The following CDH26 variants were observed in gnomAD, a reference collection of about 807,000 sequenced individuals.
CDH26 encodes cadherin-like protein 26.
A neutral mutation model predicts 90.3 loss-of-function variants in CDH26; 83 were observed. That is an observed-to-expected ratio of 0.92 (90% confidence interval 0.77 to 1.10). The LOEUF (loss-of-function observed/expected upper bound fraction) is 1.10, where lower values mean the gene tolerates loss of function less well. Ranked by LOEUF, CDH26 falls within the 50% of genes least tolerant of loss-of-function variation. The pLI, the probability that CDH26 is intolerant of heterozygous loss-of-function variation, is 0.00. For missense variants in CDH26, 1,013 were observed against 1,037.6 expected, an observed-to-expected ratio of 0.98 and a Z score of 0.33; for synonymous variants, 397 against 396.3, an observed-to-expected ratio of 1.00 and a Z score of -0.02.
At chr20:59,996,922 A>G (rs1241043731) in intron 13 of CDH26, among the ~76,000 whole-genome samples, 161 bp downstream of exon 13, 1 of 152,250 alleles carries the variant, frequency 6.6e-6, no homozygotes, top group Admixed American at 6.5e-5. Context: ...TATCTAACTC[A>G]GATAAATGAA....
intron 17 of CDH26, among the ~76,000 whole-genome samples, chr20:60,007,758 C>T (rs1569059036): frequency 1.3e-5 from 2 of 151,886 alleles, no homozygotes; most frequent in Admixed American, 1.3e-4. Flanking sequence ...TTCATCCCAT[C>T]TGGACCAGAT....
intron 14 of CDH26, among the ~76,000 whole-genome samples, chr20:60,000,769 G>C (rs2061666120): frequency 6.6e-6 from 1 of 152,098 alleles, no homozygotes; most frequent in Non-Finnish European, 1.5e-5. Flanking sequence ...TACATCTCTG[G>C]TGACTGCTTA....
intron 1 of CDH26, among the ~76,000 whole-genome samples, chr20:59,964,008 T>C (rs1162002968): frequency 6.6e-6 from 1 of 152,190 alleles, no homozygotes; most frequent in African/African-American, 2.4e-5. Context: ...AAGACTCCTT[T>C]CCTATGGCTA....
chr20:60,022,833 G>T (rs760445040), intron 7 of CDH26, among the ~76,000 whole-genome samples: 1 of 151,746 alleles, frequency 6.6e-6, no homozygotes, highest in East Asian at 1.9e-4. Context: ...CCCAACACAA[G>T]CATTCTACTG....
chr20:60,019,525 C>T (rs925788376), downstream of CDH26, among the ~76,000 whole-genome samples: 1 of 152,140 alleles, frequency 6.6e-6, no homozygotes, highest in African/African-American at 2.4e-5. Flanking sequence ...TGAATTCTTC[C>T]ATTCCAGAAT....
At chr20:59,974,920 T>C (rs1223629604) in intron 4 of CDH26, among the ~76,000 whole-genome samples, 1 of 152,154 alleles carries the variant, frequency 6.6e-6, no homozygotes, top group Non-Finnish European at 1.5e-5. Context: ...TCTCCCCTCT[T>C]AGAATGTAGT....
chr20:60,003,963 C>T (rs1448090745), intron 16 of CDH26, among the ~76,000 whole-genome samples: 1 of 152,192 alleles, frequency 6.6e-6, no homozygotes, highest in Non-Finnish European at 1.5e-5. Context: ...ACGGCGTCTT[C>T]CTCTGGTCCT....
At chr20:60,001,112 A>G (rs2061670823) in intron 14 of CDH26, among the ~76,000 whole-genome samples, 1 of 152,154 alleles carries the variant, frequency 6.6e-6, no homozygotes. Flanking sequence ...CTTCATGTTC[A>G]AACCTCCTCC....
chr20:60,018,994 G>A (rs2061930789), downstream of CDH26, among the ~76,000 whole-genome samples: 1 of 151,856 alleles, frequency 6.6e-6, no homozygotes, highest in African/African-American at 2.4e-5. Flanking sequence ...TAATATTATA[G>A]TCTGGCAAGT....
In CDH26 at chr20:60,006,630, A is replaced by G. The variant is rs552724831; in HGVS notation, c.2221-83A>G. 5.2e-6 allele frequency: 5 copies of G among 970,710 alleles called. No individual in the cohort carries two copies. The East Asian group carries it at 1.2e-4, about 23-fold the overall frequency. The allele number at this position is 970,710 out of a possible 1,614,324, so 60.1% of individuals were successfully genotyped here. ...GAACGGTGCTCAGTGTGCCCCATCT[A>G]TGCTGGGGCCACTGACACACAGGGG... is the stretch of plus-strand genomic sequence containing the variant. On this transcript the variant is annotated intron_variant, in intron 16 of 17. Coordinates refer to ENST00000348616, the MANE Select transcript of CDH26 (RefSeq NM_177980.4).
At chr20:59,966,298 C>A (rs925906072) in intron 1 of CDH26, among the ~76,000 whole-genome samples, 3 of 141,414 alleles carry the variant, frequency 2.1e-5, no homozygotes, top group African/African-American at 5.3e-5. Context: ...CACGCAAGTA[C>A]TTTTCTTTGA....
chr20:59,976,673 G>A (rs764251140), intron 4 of CDH26, among the ~76,000 whole-genome samples: 9 of 152,096 alleles, frequency 5.9e-5, no homozygotes, highest in Admixed American at 3.3e-4. Context: ...TCCCTGCAGC[G>A]GACTAGCTCA....
Position 59,992,486 on chromosome 20 carries a change from T to A in CDH26, c.1392T>A (p.Ser464Arg). 1 of 1,614,030 alleles carries A rather than the reference T, an allele frequency of 6.2e-7. No individual in the cohort carries two copies. Among genetic ancestry groups the A allele is most frequent in the Non-Finnish European group, 8.5e-7 (1 of 1,179,974 alleles). ...GAGAATCCCCTCATGTAAATAACAG[T>A]TTTTATGTAATCATCATTCACGCTG... Reference protein sequence around the residue: ...IDRESPHVNNSFYVIIIHAVD... With the variant: ...IDRESPHVNNRFYVIIIHAVD... Residue 464 changes from serine (S) to arginine (R), a missense_variant, in exon 10 of 18, where the codon AGT becomes AGA. By Grantham distance (110) the Ser-to-Arg change is moderately radical. Coordinates refer to ENST00000348616, the MANE Select transcript of CDH26 (RefSeq NM_177980.4). The surrounding 1 kb of genome is among the most constrained non-coding windows in gnomAD (Gnocchi z 5.0).
At chr20:60,033,773 A>ATGTTTGTGTGTG (rs2062063129) in exon 9 of CDH26, 1 of 847,026 alleles carries the variant, frequency 1.2e-6, no homozygotes, top group Non-Finnish European at 1.5e-6. Context: ...GGTAGACAAG[A>ATGTTTGTGTGTG]TGTGTGTGTG....
Position 59,996,209 on chromosome 20 carries a change from G to T in CDH26, c.1888+155G>T, listed in dbSNP as rs150144587. Among the ~76,000 whole-genome samples, 234 of 152,296 alleles carry T rather than the reference G, an allele frequency of 1.5e-3. 1 individual carries two copies. The highest frequency in any genetic ancestry group is 5.2e-3 in the African/African-American group (215 of 41,566). Reference sequence around the variant, plus strand: ...GGGTGTACTCAGGCTCCTAGATGTAGATCAGAGGTTGCCATGCTGGCCAGG... The same window carrying T: ...GGGTGTACTCAGGCTCCTAGATGTATATCAGAGGTTGCCATGCTGGCCAGG... On this transcript the variant is annotated intron_variant, in intron 12 of 17. Coordinates refer to ENST00000348616, the MANE Select transcript of CDH26 (RefSeq NM_177980.4).
At position 60,006,768 on chromosome 20, in the gene CDH26, T is replaced by C. The variant is rs1601193982; in HGVS notation, c.2276T>C (p.Met759Thr). The change falls in exon 17 of 18, where the codon ATG (methionine) becomes ACG (threonine). Residue 759 changes from methionine (M) to threonine (T), a missense_variant. Coordinates refer to ENST00000348616, the MANE Select transcript of CDH26 (RefSeq NM_177980.4). ...CTCCTGGCTCCGGTGGAAGGAAGGA[T>C]GGCAGAGACATTGAATCAGGTAGGG... Reference protein sequence around the residue: ...RQLLAPVEGRMAETLNQKLHV... With the variant: ...RQLLAPVEGRTAETLNQKLHV... 6.2e-7 allele frequency: 1 copy of C among 1,613,950 alleles called. No individual in the cohort carries two copies. The highest frequency in any genetic ancestry group is 2.2e-5 in the East Asian group (1 of 44,874).
At position 59,994,400 on chromosome 20, in the gene CDH26, A is replaced by G. The variant is rs761775148; in HGVS notation, c.1577A>G (p.Asp526Gly). 5.6e-6 allele frequency: 9 copies of G among 1,614,102 alleles called. No individual in the cohort carries two copies. The Admixed American group carries it at 1.5e-4, about 27-fold the overall frequency. Residue 526 changes from aspartate to glycine, a missense_variant, in exon 11 of 18, where the codon GAC becomes GGC. Coordinates refer to ENST00000348616, the MANE Select transcript of CDH26 (RefSeq NM_177980.4). ...CTCCACATCGAGGCAGAGGATCCGG[A>G]CCTGGAGCCGTTCTCTGACCCATTT... ...EPLHIEAEDP[D>G]LEPFSDPFTF...
chr20:60,035,163 G>A (rs1004301908), downstream of CDH26, among the ~76,000 whole-genome samples: 2 of 152,182 alleles, frequency 1.3e-5, no homozygotes, highest in Non-Finnish European at 2.9e-5. Context: ...TTGTTTGTAC[G>A]ACTGTGTTAT....
In CDH26 at chr20:59,992,315, C is replaced by CT. The variant is rs1446906592; in HGVS notation, c.1284-57dup. On this transcript the variant is annotated intron_variant, in intron 9 of 17. Transcript: ENST00000348616. This position sits in a 1 kb window ranked among gnomAD's most constrained non-coding sequence, Gnocchi z 5.0. ...TGACATATTTTGTTTTTTTATGCAA[C>CT]TTTTTTATCTTTTAATGTAAGTTTT... 6.6e-7 allele frequency: 1 copy of CT among 1,522,440 alleles called. No homozygotes were observed. The highest frequency in any genetic ancestry group is 1.4e-5 in the African/African-American group (1 of 70,796). 94.3% of individuals were successfully genotyped at this position (1,522,440 alleles called of 1,614,324 possible). A position where few individuals can be genotyped will look rare whatever the true frequency, so the allele number is the denominator to read the frequency against.
Sources: gnomAD v4.1 joint callset for allele counts (sites outside exome capture counted in the v4.1 genomes callset) on GRCh38, gnomAD v4.1.1 for gene constraint, Gnocchi (gnomAD v3.1) non-coding constraint, MANE v1.5 for transcripts, NCBI Gene and HGNC (gene_info 2026-07-23, HGNC 2026-07-21) for gene names.